GATM: variants seen among roughly 807,000 people sequenced by gnomAD.
GATM encodes glycine amidinotransferase, mitochondrial.
In GATM, 23 loss-of-function variants were observed where a neutral mutation model predicts 54.2. The observed-to-expected ratio is 0.42, with a 90% confidence interval of 0.31 to 0.60. The LOEUF is 0.60. Among genes scored for constraint, GATM ranks in the 20% least tolerant of loss-of-function variants. The pLI is 0.14. For synonymous variants in GATM, 168 were observed against 183.1 expected, an observed-to-expected ratio of 0.92 and a Z score of 0.67; for missense variants, 401 against 544.9, an observed-to-expected ratio of 0.74 and a Z score of 2.63.
intron 2 of GATM, chr15:45,373,271 G>A (rs1234588164): frequency 1.3e-5 from 2 of 152,268 alleles, no homozygotes; most frequent in Non-Finnish European, 2.9e-5. Flanking sequence ...GCCAAGGCGT[G>A]TGGATCACGA....
intron 2 of GATM, chr15:45,373,254 T>G (rs2172874): frequency 0.32 from 48,688 of 152,156 alleles, 8,908 homozygotes; most frequent in East Asian, 0.83. Flanking sequence ...TCCCAGCACT[T>G]TGGGAGGCCA....
At chr15:45,383,587 A>G (rs960780254) in intron 3 of GATM, among the ~76,000 whole-genome samples, 1 of 144,696 alleles carries the variant, frequency 6.9e-6, no homozygotes, top group African/African-American at 2.5e-5. Flanking sequence ...CCCATTTGCC[A>G]AATTGCTGCT....
intron 2 of GATM, 96 bp downstream of exon 2, chr15:45,376,505 A>C: frequency 1.0e-6 from 1 of 968,458 alleles, no homozygotes. Flanking sequence ...CTGGATTGAG[A>C]GGTCTGGGAG....
intron 4 of GATM, among the ~76,000 whole-genome samples, chr15:45,367,330 G>A (rs931776507): frequency 4.1e-5 from 5 of 123,428 alleles, no homozygotes; most frequent in Admixed American, 8.6e-5. Flanking sequence ...GACAGAGCAA[G>A]ACTCCATCTC....
chr15:45,366,338 T>C (rs1889448202), intron 5 of GATM, 33 bp downstream of exon 5: 5 of 1,613,250 alleles, frequency 3.1e-6, no homozygotes, highest in Non-Finnish European at 3.4e-6. Flanking sequence ...TACAATAATA[T>C]AGTGTGAAAT....
At chr15:45,387,321 C>A (rs1889814636) in intron 3 of GATM, among the ~76,000 whole-genome samples, 1 of 152,216 alleles carries the variant, frequency 6.6e-6, no homozygotes, top group Admixed American at 6.5e-5. Context: ...GCCAATTTAG[C>A]ACTGGGAAAA....
chr15:45,362,130 G>A lies in GATM; in HGVS notation c.1251C>T (p.Thr417=), dbSNP rs1314747210. 1.9e-6 allele frequency: 3 copies of A among 1,612,656 alleles called. No homozygotes were observed. Among genetic ancestry groups the A allele is most frequent in the Non-Finnish European group, 2.5e-6 (3 of 1,178,878 alleles). The change falls in exon 9 of 9, where the codon ACC becomes ACT. Residue 417 remains threonine, a synonymous_variant. Transcript: ENST00000396659. The part of the protein sequence containing the change: ...CWTCDVRRRG[T]LQSYLD ...CTGTTCAGTCCAAGTAGGACTGTAA[G>A]GTGCCTCGGCGCCGGACATCGCAGG...
rs150842309 is a variant in GATM at position 45,400,083 on chromosome 15, G to A, written c.-529-488C>T. 6.7e-3 allele frequency among the ~76,000 whole-genome samples: 1,017 copies of A among 152,218 alleles called. 9 individuals are homozygous for A. Among genetic ancestry groups the A allele is most frequent in the African/African-American group, 0.023 (971 of 41,520 alleles). ...CTAAAAATCCAAAAGTTAGCCAGGC[G>A]TGGTGGTAGGCACCTGTAATCCCAG... On this transcript the variant is annotated intron_variant, in intron 1 of 4. Transcript: ENST00000561148.
chr15:45,367,842 G>A (rs953144074), intron 4 of GATM, among the ~76,000 whole-genome samples: 1 of 152,164 alleles, frequency 6.6e-6, no homozygotes, highest in African/African-American at 2.4e-5. Flanking sequence ...GTTTAACCCA[G>A]GACCCAGAAC....
intron 3 of GATM, among the ~76,000 whole-genome samples, chr15:45,388,323 T>C (rs1430310316): frequency 6.6e-6 from 1 of 152,254 alleles, no homozygotes; most frequent in Non-Finnish European, 1.5e-5. Context: ...ACAGAGTTCC[T>C]GTACACCCAT....
upstream of GATM, among the ~76,000 whole-genome samples, chr15:45,381,981 C>G (rs1162763639): frequency 6.6e-6 from 1 of 152,164 alleles, no homozygotes; most frequent in African/African-American, 2.4e-5. Context: ...GAGAGATTTT[C>G]CACTGTAAGC....
chr15:45,397,893 T>TGTG (rs1204055461), intron 2 of GATM, among the ~76,000 whole-genome samples: 1 of 152,190 alleles, frequency 6.6e-6, no homozygotes, highest in Non-Finnish European at 1.5e-5. Context: ...AGGTGGTATC[T>TGTG]GTGGGAGAAT....
chr15:45,390,258 C>T (rs1221725539), intron 3 of GATM, among the ~76,000 whole-genome samples: 1 of 152,208 alleles, frequency 6.6e-6, no homozygotes, highest in Admixed American at 6.5e-5. Context: ...ATATTGTGGT[C>T]TGGCTGTTGA....
chr15:45,388,045 G>T (rs577899455), intron 3 of GATM, among the ~76,000 whole-genome samples: 1 of 152,222 alleles, frequency 6.6e-6, no homozygotes, highest in East Asian at 1.9e-4. Flanking sequence ...ACAGAATCTT[G>T]CTATGTTGCC....
intron 3 of GATM, among the ~76,000 whole-genome samples, 175 bp downstream of exon 3, chr15:45,369,151 A>G (rs1331217073): frequency 1.3e-5 from 2 of 152,232 alleles, no homozygotes; most frequent in Non-Finnish European, 2.9e-5. Context: ...TTTAGAATGT[A>G]TACATCTTAA....
chr15:45,365,701 G>A (rs1889437628), intron 6 of GATM, among the ~76,000 whole-genome samples: 1 of 152,204 alleles, frequency 6.6e-6, no homozygotes, highest in Non-Finnish European at 1.5e-5. Flanking sequence ...GCCATGCAAG[G>A]ATGATCTTGT....
At chr15:45,367,863 C>A (rs941843946) in intron 4 of GATM, among the ~76,000 whole-genome samples, 1 of 152,074 alleles carries the variant, frequency 6.6e-6, no homozygotes, top group Admixed American at 6.6e-5. Flanking sequence ...AAGGTAAGCA[C>A]CAAAAAGTGT....
At chr15:45,389,366 T>C (rs919950391) in intron 3 of GATM, among the ~76,000 whole-genome samples, 1 of 152,252 alleles carries the variant, frequency 6.6e-6, no homozygotes, top group South Asian at 2.1e-4. Context: ...CAAGTTTCTA[T>C]GGTTTGATAA....
chr15:45,398,409 A>G (rs138510154), intron 2 of GATM, among the ~76,000 whole-genome samples: 179 of 152,360 alleles, frequency 1.2e-3, no homozygotes, highest in African/African-American at 4.2e-3. Context: ...TGTAGTCTGC[A>G]GGTCATTTGA....
Sources: allele counts gnomAD v4.1 joint callset (sites outside exome capture counted in the v4.1 genomes callset), GRCh38; gene constraint gnomAD v4.1.1; transcripts MANE v1.5; gene names NCBI Gene and HGNC (gene_info 2026-07-23, HGNC 2026-07-21).